The following MED1 variants were observed in gnomAD, a reference collection of about 807,000 sequenced individuals.
The protein encoded by MED1 is mediator of RNA polymerase II transcription subunit 1.
Under a neutral mutation model 121.3 loss-of-function variants are expected in MED1, and 17 were observed. The ratio of observed to expected loss-of-function variants is 0.14; its 90% CI spans 0.10 to 0.21. The LOEUF is 0.21. Ranked by LOEUF, MED1 falls within the 10% of genes least tolerant of loss-of-function variation. MED1 has a pLI of 1.00. For synonymous variants in MED1, 661 were observed against 694.4 expected, an observed-to-expected ratio of 0.95 and a Z score of 0.76; for missense variants, 1,558 against 1,919.4, an observed-to-expected ratio of 0.81 and a Z score of 3.52.
Position 39,434,324 on chromosome 17 carries a change from T to C in MED1, c.429-4A>G. 1 of 1,522,224 alleles carries C rather than the reference T, an allele frequency of 6.6e-7. No individual in the cohort carries two copies. Among genetic ancestry groups the C allele is most frequent in the Non-Finnish European group, 8.9e-7 (1 of 1,122,048 alleles). The allele number at this position is 1,522,224 out of a possible 1,614,324, so 94.3% of individuals were successfully genotyped here. A position where few individuals can be genotyped will look rare whatever the true frequency, so the allele number is the denominator to read the frequency against. ...AAATTCATCAAAATTTTTTTCCCTA[T>C]AAGGAGTTCAGGGAAGAGGGGAAAG... On this transcript the variant is annotated splice_region_variant and splice_polypyrimidine_tract_variant and intron_variant, in intron 6 of 16. Coordinates refer to ENST00000300651, the MANE Select transcript of MED1 (RefSeq NM_004774.4).
chr17:39,450,982 A>C (rs2048776896), intron 1 of MED1, 56 bp downstream of exon 1: 2 of 1,554,474 alleles, frequency 1.3e-6, no homozygotes, highest in Non-Finnish European at 1.8e-6. Context: ...ACCTCCTCTC[A>C]CAAACTGGCT....
At chr17:39,414,274 G>A (rs2048385134) in intron 16 of MED1, among the ~76,000 whole-genome samples, 1 of 151,338 alleles carries the variant, frequency 6.6e-6, no homozygotes. Context: ...GCAGAGAAGG[G>A]TGAAATCAAA....
At position 39,443,716 on chromosome 17, in the gene MED1, T is replaced by G. The variant is rs1261865834; in HGVS notation, c.133-88A>C. On this transcript the variant is annotated intron_variant, in intron 2 of 16. Coordinates refer to ENST00000300651, the MANE Select transcript of MED1 (RefSeq NM_004774.4). ...CATACACATTATCCTAGTAGTAATA[T>G]TGCAGGACAGTCTATAGACTCAATA... 5 of 1,049,888 alleles carry G rather than the reference T, an allele frequency of 4.8e-6. No individual in the cohort carries two copies. The African/African-American group carries it at 7.8e-5, about 16-fold the overall frequency. The allele number at this position is 1,049,888 out of a possible 1,614,324, so 65.0% of individuals were successfully genotyped here. A position where few individuals can be genotyped will look rare whatever the true frequency, so the allele number is the denominator to read the frequency against.
intron 7 of MED1, among the ~76,000 whole-genome samples, chr17:39,432,420 G>T (rs180695936): frequency 6.7e-6 from 1 of 149,438 alleles, no homozygotes; most frequent in Non-Finnish European, 1.5e-5. Flanking sequence ...GGCCTAAAGA[G>T]CAAGTCTAAA....
At position 39,450,951 on chromosome 17, in the gene MED1, C is replaced by T. The variant is rs553169773; in HGVS notation, c.25+87G>A. On this transcript the variant is annotated intron_variant, in intron 1 of 16. Coordinates refer to ENST00000300651, the MANE Select transcript of MED1 (RefSeq NM_004774.4). The stretch of plus-strand genomic sequence containing the variant: ...CTGGACTCTATGCCCCTAAAGTGGC[C>T]CCCATGGGACATCTGCAAGAACCTC... 9 of 1,230,390 alleles carry T rather than the reference C, an allele frequency of 7.3e-6. No homozygotes were observed. The East Asian group carries it at 2.2e-4, about 30-fold the overall frequency. The allele number at this position is 1,230,390 out of a possible 1,614,324, so 76.2% of individuals were successfully genotyped here. A position where few individuals can be genotyped will look rare whatever the true frequency, so the allele number is the denominator to read the frequency against.
chr17:39,435,952 A>G lies in MED1; in HGVS notation c.429-1632T>C, dbSNP rs552509780. Among the ~76,000 whole-genome samples, 22 of 152,186 alleles carry G rather than the reference A, an allele frequency of 1.4e-4. No homozygotes were observed. In the South Asian group the frequency reaches 4.6e-3, roughly 32 times the overall value. On this transcript the variant is annotated intron_variant, in intron 6 of 16. Transcript: ENST00000300651. ...CCGGGCATAATGGCAGGTACCCATA[A>G]TCCCAGCTACTCAGGAGGCTAAGGC...
Position 39,407,910 on chromosome 17 carries a change from A to C in MED1, c.4311T>G (p.Ser1437Arg), listed in dbSNP as rs2048318586. Residue 1437 changes from serine (S) to arginine (R), a missense_variant, in exon 17 of 17, where the codon AGT becomes AGG. Physicochemically the swap from Ser to Arg is moderately radical, Grantham distance 110. Around this residue, in one of 5 missense-constraint regions of MED1, gnomAD observed 264 missense variants for 326.1 expected, o/e 0.81. Coordinates refer to ENST00000300651, the MANE Select transcript of MED1 (RefSeq NM_004774.4). ...SSKNYGSPLI[S>R]GSTPKHERGS... is the part of the protein sequence containing the mutation. ...CACGCTCATGCTTTGGAGTGGAACC[A>C]CTGATGAGTGGAGAGCCATAGTTTT... 1 of 1,613,974 alleles carries C rather than the reference A, an allele frequency of 6.2e-7. No homozygotes were observed. Among genetic ancestry groups the C allele is most frequent in the African/African-American group, 1.3e-5 (1 of 74,886 alleles).
intron 14 of MED1, among the ~76,000 whole-genome samples, chr17:39,417,791 C>T (rs1273016808): frequency 6.6e-6 from 1 of 152,112 alleles, no homozygotes; most frequent in African/African-American, 2.4e-5. Flanking sequence ...CCAAAATTTA[C>T]AGCAAAGCTT....
intron 8 of MED1, 42 bp from the exon 9 acceptor site, chr17:39,431,230 G>C (rs752228952): frequency 6.7e-7 from 1 of 1,492,068 alleles, no homozygotes; most frequent in South Asian, 1.1e-5. Flanking sequence ...TTTAATCCCT[G>C]ATGGTCTTGG....
rs550616656 is a variant in MED1 at position 39,408,926 on chromosome 17, T to C, written c.3295A>G (p.Ser1099Gly). 2 of 1,614,184 alleles carry C rather than the reference T, an allele frequency of 1.2e-6. No individual in the cohort carries two copies. Among genetic ancestry groups the C allele is most frequent in the East Asian group, 4.5e-5 (2 of 44,880 alleles). ...VSSSGSKSHH[S>G]HSSSSSSSAS... The stretch of plus-strand genomic sequence containing the variant: ...GATGAGGAAGAGGAGGAAGAATGGC[T>C]ATGGTGGCTTTTGCTGCCTGAGGAA... Residue 1099 changes from serine to glycine, a missense_variant, in exon 17 of 17, where the codon AGC becomes GGC. Physicochemically the swap from Ser to Gly is moderately conservative, Grantham distance 56 (BLOSUM62 0). Transcript: ENST00000300651. This position sits in a 1 kb window ranked among gnomAD's most constrained non-coding sequence, Gnocchi z 4.7.
intron 14 of MED1, among the ~76,000 whole-genome samples, 162 bp from the exon 15 acceptor site, chr17:39,415,501 C>T (rs962220982): frequency 6.6e-6 from 1 of 151,874 alleles, no homozygotes; most frequent in African/African-American, 2.4e-5. Context: ...TGGCGAAACC[C>T]CAACTCCACT....
chr17:39,441,876 G>A (rs1286384941), intron 3 of MED1, among the ~76,000 whole-genome samples: 1 of 152,068 alleles, frequency 6.6e-6, no homozygotes, highest in Non-Finnish European at 1.5e-5. Context: ...GCCAAGGCAG[G>A]CAGATCACCT....
Position 39,451,196 on chromosome 17 carries a change from T to C in MED1, c.-134A>G. 2 of 990,284 alleles carry C rather than the reference T, an allele frequency of 2.0e-6. No individual in the cohort carries two copies. The highest frequency in any genetic ancestry group is 3.0e-6 in the Non-Finnish European group (2 of 659,652). The allele number at this position is 990,284 out of a possible 1,614,324, so 61.3% of individuals were successfully genotyped here. Reference sequence around the variant, plus strand: ...CCCTACTCTTCCCGGGAAGGATCAATCTGAAGTCCCCGGCGGCAAGAAGAG... The same window carrying C: ...CCCTACTCTTCCCGGGAAGGATCAACCTGAAGTCCCCGGCGGCAAGAAGAG... On this transcript the variant is annotated 5_prime_UTR_variant, in exon 1 of 17. Coordinates refer to ENST00000300651, the MANE Select transcript of MED1 (RefSeq NM_004774.4).
At position 39,407,728 on chromosome 17, in the gene MED1, T is replaced by C. The variant is rs762433386; in HGVS notation, c.4493A>G (p.Lys1498Arg). Residue 1498 changes from lysine to arginine, a missense_variant, in exon 17 of 17, where the codon AAG (lysine) becomes AGG (arginine). Lys to Arg is a conservative substitution (Grantham distance 26). Coordinates refer to ENST00000300651, the MANE Select transcript of MED1 (RefSeq NM_004774.4). ...TTTCTTCTTTTCCTTTTTGTGCTTCTTATGTTTCTCTGTGCTGTATTCTGG... is the reference window on the plus strand; with the variant it reads ...TTTCTTCTTTTCCTTTTTGTGCTTCCTATGTTTCTCTGTGCTGTATTCTGG... Reference protein sequence around the residue: ...PLPEYSTEKHKKHKKEKKKVK... With the variant: ...PLPEYSTEKHRKHKKEKKKVK... The C allele has an allele frequency of 8.1e-6, 13 of 1,614,050 alleles. No individual in the cohort carries two copies. Among genetic ancestry groups the C allele is most frequent in the African/African-American group, 1.3e-5 (1 of 74,942 alleles).
At chr17:39,442,905 CAAAAAAAAAA>C (rs751236293) in intron 3 of MED1, among the ~76,000 whole-genome samples, 1 of 17,358 alleles carries the variant, frequency 5.8e-5, no homozygotes, top group Admixed American at 7.2e-4. Context: ...AACTCCATCT[CAAAAAAAAAA>C]AAAAAAAAAA....
intron 9 of MED1, among the ~76,000 whole-genome samples, chr17:39,429,637 A>G (rs902476151): frequency 2.0e-5 from 3 of 150,376 alleles, no homozygotes; most frequent in African/African-American, 7.4e-5. Flanking sequence ...CAGAGGTTGC[A>G]ATGAGCCAAG....
In MED1 at chr17:39,443,608, A is replaced by G. The variant is rs2048699474; in HGVS notation, c.153T>C (p.Ser51=). 1 of 1,613,796 alleles carries G rather than the reference A, an allele frequency of 6.2e-7. No homozygotes were observed. The change falls in exon 3 of 17, where the codon AGT becomes AGC. Residue 51 remains serine (S), a synonymous_variant. Transcript: ENST00000300651. ...TGACCAAATGTTGATGCCCTCCAGA[A>G]CTCATCACAACCCTCTTCTCCTGTG... The part of the protein sequence containing the change: ...RQVMEKRVVM[S]SGGHQHLVSC...
chr17:39,437,087 C>A (rs1367188517), intron 6 of MED1, among the ~76,000 whole-genome samples: 2 of 152,176 alleles, frequency 1.3e-5, no homozygotes, highest in Non-Finnish European at 2.9e-5. Context: ...CATGTGCCAC[C>A]ACGCACGGCT....
chr17:39,422,407 A>C (rs2048473976), intron 13 of MED1, among the ~76,000 whole-genome samples: 1 of 137,704 alleles, frequency 7.3e-6, no homozygotes, highest in African/African-American at 2.8e-5. Context: ...CTCGTGATCC[A>C]CCTGCCTCGG....
Sources: gnomAD v4.1 joint callset for allele counts (sites outside exome capture counted in the v4.1 genomes callset) on GRCh38, gnomAD v4.1.1 for gene constraint, gnomAD v4.1.1 regional missense constraint, Gnocchi (gnomAD v3.1) non-coding constraint, MANE v1.5 for transcripts, NCBI Gene and HGNC (gene_info 2026-07-23, HGNC 2026-07-21) for gene names.